The following EPSTI1 variants were observed in gnomAD, a reference collection of about 807,000 sequenced individuals.
EPSTI1 encodes epithelial stromal interaction 1.
A neutral mutation model predicts 49.9 loss-of-function variants in EPSTI1; 66 were observed. The observed-to-expected ratio is 1.32, with a 90% confidence interval of 1.08 to 1.62. The LOEUF (loss-of-function observed/expected upper bound fraction) is 1.62, where lower values mean the gene tolerates loss of function less well. Among genes scored for constraint, EPSTI1 ranks in the 40% most tolerant of loss-of-function variants. The probability of loss-of-function intolerance (pLI) is 0.00; values close to 1 mark genes in which losing one functional copy is unlikely to be tolerated. For synonymous variants in EPSTI1, 137 were observed against 130.7 expected, an observed-to-expected ratio of 1.05 and a Z score of -0.33; for missense variants, 394 against 365.5, an observed-to-expected ratio of 1.08 and a Z score of -0.64.
intron 9 of EPSTI1, among the ~76,000 whole-genome samples, chr13:42,896,583 A>G (rs1051720686): frequency 2.0e-5 from 3 of 152,160 alleles, no homozygotes; most frequent in African/African-American, 7.2e-5. Context: ...TCTAGTTCAA[A>G]TTACTATATC....
At position 42,924,343 on chromosome 13, in the gene EPSTI1, TG is replaced by T. The variant is rs571957506; in HGVS notation, c.657+1992del. ...ATAGCTCTGAGGATCCTATGACAAA[TG>T]CACTAATCAATCCACAGAAAATGCA... On this transcript the variant is annotated intron_variant, in intron 7 of 10. Coordinates refer to ENST00000313624, the MANE Select transcript of EPSTI1 (RefSeq NM_033255.5). Among the ~76,000 whole-genome samples the T allele has an allele frequency of 2.0e-5, 3 of 152,318 alleles. No homozygotes were observed. The East Asian group carries it at 5.8e-4, about 29-fold the overall frequency.
chr13:42,949,822 A>G (rs1306444850), intron 6 of EPSTI1, among the ~76,000 whole-genome samples: 1 of 151,980 alleles, frequency 6.6e-6, no homozygotes, highest in Non-Finnish European at 1.5e-5. Flanking sequence ...ACACTCATCC[A>G]AAAAAACACA....
intron 1 of EPSTI1, among the ~76,000 whole-genome samples, chr13:42,980,281 GAA>G (rs1386793272): frequency 6.6e-6 from 1 of 152,142 alleles, no homozygotes; most frequent in Non-Finnish European, 1.5e-5. Flanking sequence ...ACAAAGATTA[GAA>G]AAAGAGTATC....
chr13:42,900,402 T>C lies in EPSTI1; in HGVS notation c.742-19A>G. The stretch of plus-strand genomic sequence containing the variant: ...ATTCACTCTAGGAACAATAAAAGTT[T>C]TAAAATATGGTTTTCAATTAACACA... On this transcript the variant is annotated intron_variant, in intron 8 of 10. Coordinates refer to ENST00000313624, the MANE Select transcript of EPSTI1 (RefSeq NM_033255.5). 6.2e-7 allele frequency: 1 copy of C among 1,612,440 alleles called. No individual in the cohort carries two copies. Among genetic ancestry groups the C allele is most frequent in the East Asian group, 2.2e-5 (1 of 44,800 alleles).
At chr13:42,946,753 G>A (rs935825520) in intron 6 of EPSTI1, among the ~76,000 whole-genome samples, 1 of 152,160 alleles carries the variant, frequency 6.6e-6, no homozygotes, top group Admixed American at 6.5e-5. Context: ...TATGTATTTT[G>A]AAGGTCAGGA....
At chr13:42,952,883 T>C (rs1367259024) in intron 6 of EPSTI1, among the ~76,000 whole-genome samples, 1 of 152,172 alleles carries the variant, frequency 6.6e-6, no homozygotes, top group East Asian at 1.9e-4. Context: ...CAGGATAATT[T>C]TAGTGGCATG....
chr13:42,973,637 T>C (rs1276554192), intron 1 of EPSTI1, among the ~76,000 whole-genome samples: 1 of 152,226 alleles, frequency 6.6e-6, no homozygotes, highest in African/African-American at 2.4e-5. Flanking sequence ...TCATCCCTTC[T>C]TTCTTAGCTT....
intron 1 of EPSTI1, among the ~76,000 whole-genome samples, chr13:42,974,375 TG>T (rs2039833749): frequency 6.6e-6 from 1 of 151,746 alleles, no homozygotes; most frequent in African/African-American, 2.4e-5. Context: ...AATGTTTTCC[TG>T]GCCGGGCGCG....
At chr13:42,975,178 T>G (rs550687820) in intron 1 of EPSTI1, among the ~76,000 whole-genome samples, 1 of 152,248 alleles carries the variant, frequency 6.6e-6, no homozygotes, top group Non-Finnish European at 1.5e-5. Context: ...CTGTTTTCAG[T>G]CAACATTGAG....
intron 8 of EPSTI1, among the ~76,000 whole-genome samples, chr13:42,916,070 C>A (rs1305925183): frequency 1.3e-5 from 2 of 151,882 alleles, no homozygotes; most frequent in African/African-American, 4.8e-5. Flanking sequence ...ATGCTAAGTA[C>A]CTCACAATTT....
chr13:42,915,244 G>A (rs1251369816), intron 8 of EPSTI1, among the ~76,000 whole-genome samples: 2 of 152,150 alleles, frequency 1.3e-5, no homozygotes, highest in Non-Finnish European at 2.9e-5. Flanking sequence ...ATAAAGAAAT[G>A]CCTTTGGCCA....
Position 42,926,376 on chromosome 13 carries a change from G to A in EPSTI1, c.617C>T (p.Ala206Val), listed in dbSNP as rs751274907. The A allele has an allele frequency of 1.2e-6, 2 of 1,613,534 alleles. No homozygotes were observed. Among genetic ancestry groups the A allele is most frequent in the East Asian group, 2.2e-5 (1 of 44,878 alleles). Residue 206 changes from alanine to valine, a missense_variant, in exon 7 of 11, where the codon GCC becomes GTC. Ala to Val is a moderately conservative substitution (Grantham distance 64). Coordinates refer to ENST00000313624, the MANE Select transcript of EPSTI1 (RefSeq NM_033255.5). ...KLNTESPDRS[A>V]CQSAVCGPQS... The stretch of plus-strand genomic sequence containing the variant: ...TGGGCCACAAACAGCACTTTGACAG[G>A]CACTTCTGTCTGGCGATTCTGTGTT...
chr13:42,934,096 T>TACTGAA lies in EPSTI1; in HGVS notation c.564-7673_564-7668dup, dbSNP rs1465221144. ...ACCTGGTCTTGCAAGGAATGGTAAA[T>TACTGAA]ACTGAATATACCTGGGAAATACTGG... is the stretch of plus-strand genomic sequence containing the variant. On this transcript the variant is annotated intron_variant, in intron 6 of 10. Coordinates refer to ENST00000313624, the MANE Select transcript of EPSTI1 (RefSeq NM_033255.5). 7.9e-5 allele frequency: 16 copies of TACTGAA among 202,388 alleles called. No homozygotes were observed. The South Asian group carries it at 1.0e-3, about 13-fold the overall frequency. 12.5% of individuals were successfully genotyped at this position (202,388 alleles called of 1,614,324 possible). A position where few individuals can be genotyped will look rare whatever the true frequency, so the allele number is the denominator to read the frequency against.
At chr13:42,927,345 T>G (rs1359761032) in intron 6 of EPSTI1, among the ~76,000 whole-genome samples, 2 of 152,186 alleles carry the variant, frequency 1.3e-5, no homozygotes, top group Non-Finnish European at 2.9e-5. Flanking sequence ...CTCATGTAAT[T>G]TGTGTGATTT....
chr13:42,983,611 C>T (rs1247431143), intron 1 of EPSTI1, among the ~76,000 whole-genome samples: 2 of 148,274 alleles, frequency 1.3e-5, no homozygotes, highest in Non-Finnish European at 3.0e-5. Flanking sequence ...CCTTAGCTAG[C>T]TGTACTATCA....
chr13:42,899,594 C>T (rs2037296692), intron 9 of EPSTI1, among the ~76,000 whole-genome samples: 1 of 152,136 alleles, frequency 6.6e-6, no homozygotes, highest in Non-Finnish European at 1.5e-5. Context: ...TCAAAAAAAG[C>T]CATTCACTAT....
At chr13:42,990,512 A>T (rs930243034) in intron 1 of EPSTI1, among the ~76,000 whole-genome samples, 14 of 152,372 alleles carry the variant, frequency 9.2e-5, no homozygotes, top group African/African-American at 3.4e-4. Flanking sequence ...CTATTCATGG[A>T]CACGAGACCA....
At chr13:42,961,437 C>G (rs2039446595) in intron 5 of EPSTI1, among the ~76,000 whole-genome samples, 1 of 152,166 alleles carries the variant, frequency 6.6e-6, no homozygotes, top group Admixed American at 6.5e-5. Flanking sequence ...TATACTGTGA[C>G]AGACTCTAGT....
chr13:42,941,185 A>G (rs2038739601), intron 6 of EPSTI1, among the ~76,000 whole-genome samples: 1 of 152,212 alleles, frequency 6.6e-6, no homozygotes, highest in African/African-American at 2.4e-5. Flanking sequence ...TGTTGATTCA[A>G]TACAAATTGT....
Sources: gnomAD v4.1 joint callset for allele counts (sites outside exome capture counted in the v4.1 genomes callset) on GRCh38, gnomAD v4.1.1 for gene constraint, MANE v1.5 for transcripts, NCBI Gene and HGNC (gene_info 2026-07-23, HGNC 2026-07-21) for gene names.